RBMS3: variants seen among roughly 807,000 people sequenced by gnomAD.
RBMS3 encodes the protein RNA binding motif single stranded interacting protein 3, also known as RNA-binding motif, single-stranded-interacting protein 3.
RBMS3 carries 27 observed loss-of-function variants against 66.8 expected under a neutral mutation model. The observed-to-expected ratio is 0.40, with a 90% CI of 0.30 to 0.56. The LOEUF is 0.56. Ranked by LOEUF, RBMS3 falls within the 20% of genes least tolerant of loss-of-function variation. The pLI is 0.40. For synonymous variants in RBMS3, 188 were observed against 183.0 expected (o/e 1.03, Z -0.22); for missense variants, 513 against 549.5 (o/e 0.93, Z 0.66).
intron 3 of RBMS3, among the ~76,000 whole-genome samples, chr3:29,491,104 A>T (rs1389514378): frequency 1.3e-5 from 2 of 152,190 alleles, no homozygotes; most frequent in Non-Finnish European, 2.9e-5. Context: ...ACCCTTCTAT[A>T]ACTGTGAAGG....
chr3:30,003,343 C>T (rs1235510952), intron 14 of RBMS3, among the ~76,000 whole-genome samples: 1 of 151,904 alleles, frequency 6.6e-6, no homozygotes, highest in Non-Finnish European at 1.5e-5. Flanking sequence ...CCTGCTCTCA[C>T]AAATTTATAA....
intron 6 of RBMS3, among the ~76,000 whole-genome samples, chr3:29,849,170 A>ATGTGTGTGTGTGTGTGTGTGTGTG (rs10571760): frequency 1.4e-5 from 2 of 141,676 alleles, no homozygotes; most frequent in Non-Finnish European, 3.1e-5. Context: ...CACCAAAGGA[A>ATGTGTGTGTGTGTGTGTGTGTGTG]TGTGTGTGTG....
intron 1 of RBMS3, among the ~76,000 whole-genome samples, chr3:29,394,077 C>T (rs568771498): frequency 6.6e-6 from 1 of 152,248 alleles, no homozygotes; most frequent in African/African-American, 2.4e-5. Context: ...CTAATCCTAG[C>T]AAGCCTGAGA....
At chr3:29,991,380 G>A (rs562321151) in intron 14 of RBMS3, 171 bp downstream of exon 14, 1 of 1,063,798 alleles carries the variant, frequency 9.4e-7, no homozygotes, top group East Asian at 2.6e-5. Context: ...ACTTTGGGTG[G>A]ATGGTTCTTC....
intron 10 of RBMS3, among the ~76,000 whole-genome samples, chr3:29,934,923 C>T (rs926644093): frequency 1.3e-5 from 2 of 152,006 alleles, no homozygotes; most frequent in Admixed American, 6.6e-5. Context: ...TTAGGAAACG[C>T]GCAGTGGGTA....
At chr3:29,545,217 G>T (rs1442404352) in intron 3 of RBMS3, among the ~76,000 whole-genome samples, 4 of 152,004 alleles carry the variant, frequency 2.6e-5, no homozygotes, top group African/African-American at 9.7e-5. Flanking sequence ...TGTCCATAAT[G>T]CATCCTTAAT....
At chr3:29,319,482 A>T (rs1429283375) in intron 1 of RBMS3, among the ~76,000 whole-genome samples, 1 of 152,004 alleles carries the variant, frequency 6.6e-6, no homozygotes, top group East Asian at 1.9e-4. Context: ...ATAGAAAAAG[A>T]TGCAGAAATG....
chr3:29,922,983 C>T (rs1461900147), intron 10 of RBMS3, among the ~76,000 whole-genome samples: 3 of 152,190 alleles, frequency 2.0e-5, no homozygotes, highest in African/African-American at 7.2e-5. Flanking sequence ...GGTACTGAGT[C>T]AACCAGATGT....
chr3:29,871,286 C>A (rs1023350158), intron 7 of RBMS3, among the ~76,000 whole-genome samples: 1 of 152,180 alleles, frequency 6.6e-6, no homozygotes, highest in African/African-American at 2.4e-5. Flanking sequence ...GAGGGCACTA[C>A]CTACATTGTC....
chr3:29,880,720 C>A, intron 7 of RBMS3: 1 of 1,467,576 alleles, frequency 6.8e-7, no homozygotes, highest in South Asian at 1.2e-5. Context: ...TGTTGTTACC[C>A]ACAATGTTCC....
chr3:29,649,062 AATAAGT>A (rs1270287198), intron 4 of RBMS3, among the ~76,000 whole-genome samples: 1 of 152,220 alleles, frequency 6.6e-6, no homozygotes, highest in Non-Finnish European at 1.5e-5. Flanking sequence ...ATATGATTTT[AATAAGT>A]ATAACTTCTT....
At chr3:29,484,811 CAAACAACCA>C (rs2043262098) in intron 2 of RBMS3, among the ~76,000 whole-genome samples, 2 of 152,106 alleles carry the variant, frequency 1.3e-5, no homozygotes, top group African/African-American at 4.8e-5. Flanking sequence ...TAGAAGTAGG[CAAACAACCA>C]CATTTGCTAA....
chr3:29,669,596 A>G (rs1434100472), intron 4 of RBMS3, among the ~76,000 whole-genome samples: 3 of 152,200 alleles, frequency 2.0e-5, no homozygotes, highest in African/African-American at 7.2e-5. Context: ...GTAGATAAAA[A>G]TTATTGATTT....
At chr3:29,304,443 C>G (rs1019452872) in intron 1 of RBMS3, among the ~76,000 whole-genome samples, 2 of 151,970 alleles carry the variant, frequency 1.3e-5, no homozygotes, top group Admixed American at 6.6e-5. Context: ...AATGCTTCCT[C>G]TGCCTTCTTT....
intron 11 of RBMS3, among the ~76,000 whole-genome samples, chr3:29,939,529 A>G (rs1318954855): frequency 5.3e-5 from 8 of 151,830 alleles, no homozygotes; most frequent in Non-Finnish European, 8.8e-5. Flanking sequence ...TCACTTTCCA[A>G]CTTTTAAAGA....
chr3:29,422,047 C>G (rs1447924386), intron 1 of RBMS3, among the ~76,000 whole-genome samples: 2 of 152,128 alleles, frequency 1.3e-5, no homozygotes, highest in Admixed American at 6.5e-5. Context: ...GCTTTACACA[C>G]AATCACTCAC....
chr3:29,297,925 A>G (rs2033392956), intron 1 of RBMS3, among the ~76,000 whole-genome samples: 1 of 151,872 alleles, frequency 6.6e-6, no homozygotes, highest in Non-Finnish European at 1.5e-5. Context: ...TCTTCAGACT[A>G]TTCACTGGGA....
intron 14 of RBMS3, among the ~76,000 whole-genome samples, chr3:29,998,339 C>T (rs1168273759): frequency 6.6e-6 from 1 of 152,148 alleles, no homozygotes; most frequent in Non-Finnish European, 1.5e-5. Context: ...GGCCATACTG[C>T]CCAAGGTAAT....
intron 3 of RBMS3, among the ~76,000 whole-genome samples, chr3:29,531,084 T>C (rs1014433441): frequency 6.6e-6 from 1 of 152,092 alleles, no homozygotes; most frequent in African/African-American, 2.4e-5. Flanking sequence ...AAGTTAACAG[T>C]GAAAATTCAA....
Sources: allele counts gnomAD v4.1 joint callset (sites outside exome capture counted in the v4.1 genomes callset), GRCh38; gene constraint gnomAD v4.1.1; transcripts MANE v1.5; gene names NCBI Gene and HGNC (gene_info 2026-07-23, HGNC 2026-07-21).